MCCC1: variants seen among roughly 807,000 people sequenced by gnomAD.
MCCC1 encodes the protein methylcrotonoyl-CoA carboxylase subunit alpha, mitochondrial.
MCCC1 carries 64 observed loss-of-function variants against 83.8 expected under a neutral mutation model. The ratio of observed to expected loss-of-function variants is 0.76; its 90% confidence interval spans 0.62 to 0.94. The LOEUF is 0.94. Among genes scored for constraint, MCCC1 ranks in the 40% least tolerant of loss-of-function variants. MCCC1 has a pLI of 0.00. For synonymous variants in MCCC1, 322 were observed against 315.4 expected, an observed-to-expected ratio of 1.02 and a Z score of -0.22; for missense variants, 807 against 904.7, an observed-to-expected ratio of 0.89 and a Z score of 1.39.
chr3:183,096,323 G>A lies in MCCC1; in HGVS notation c.90-1718C>T, dbSNP rs143205028. Reference sequence around the variant, plus strand: ...TACATTCCAGCCTGGGTGACAGAGTGAGACTCCATCTCAAAAAAAAAAATA... The same window carrying A: ...TACATTCCAGCCTGGGTGACAGAGTAAGACTCCATCTCAAAAAAAAAAATA... On this transcript the variant is annotated intron_variant, in intron 1 of 18. Transcript: ENST00000265594. Among the ~76,000 whole-genome samples the A allele has an allele frequency of 7.0e-3, 1,067 of 151,590 alleles. 16 individuals are homozygous for A. The highest frequency in any genetic ancestry group is 0.025 in the African/African-American group (1,013 of 41,104).
At chr3:183,033,562 G>C (rs1448355944) in intron 14 of MCCC1, among the ~76,000 whole-genome samples, 1 of 152,110 alleles carries the variant, frequency 6.6e-6, no homozygotes, top group Non-Finnish European at 1.5e-5. Context: ...CATGGGCAGT[G>C]GGTAATCGTC....
intron 1 of MCCC1, among the ~76,000 whole-genome samples, chr3:183,106,018 G>C (rs548667045): frequency 6.8e-6 from 1 of 146,534 alleles, no homozygotes; most frequent in African/African-American, 2.5e-5. Context: ...GAACCTGGGA[G>C]GGGGAGGTTG....
intron 2 of MCCC1, among the ~76,000 whole-genome samples, chr3:183,093,841 A>G (rs780249246): frequency 6.6e-6 from 1 of 152,020 alleles, no homozygotes; most frequent in Non-Finnish European, 1.5e-5. Context: ...ACACTTTTAT[A>G]TGTTTCATAG....
chr3:183,110,466 T>G (rs1421644736), intron 1 of MCCC1, among the ~76,000 whole-genome samples: 1 of 151,028 alleles, frequency 6.6e-6, no homozygotes, highest in African/African-American at 2.4e-5. Flanking sequence ...CGATCTCAGC[T>G]CACTGTGAGC....
intron 7 of MCCC1, 58 bp downstream of exon 7, chr3:183,070,941 G>A: frequency 6.5e-7 from 1 of 1,529,062 alleles, no homozygotes; most frequent in Admixed American, 1.9e-5. Flanking sequence ...GAATGTGCAT[G>A]CATTATTTTT....
At chr3:183,061,870 A>G (rs1715857486) in intron 7 of MCCC1, among the ~76,000 whole-genome samples, 1 of 152,206 alleles carries the variant, frequency 6.6e-6, no homozygotes, top group Non-Finnish European at 1.5e-5. Context: ...GGCTGTGTCC[A>G]CAAGCAAATT....
chr3:183,092,462 G>A lies in MCCC1; in HGVS notation c.220C>T (p.Gln74Ter), dbSNP rs1162953685. ...GCCTCACTATAAACCGCCACAGTCT[G>A]TACACCCAGTTTTTTGGCTGTGCGC... ...VMRTAKKLGV[Q>*]TVAVYSEADR... The change falls in exon 3 of 19, where the codon CAG becomes TAG. Residue 74 changes from glutamine (Q) to a stop codon, truncating the protein, a stop_gained. Transcript: ENST00000265594. LOFTEE classifies it high-confidence loss of function. The A allele has an allele frequency of 1.2e-6, 2 of 1,614,202 alleles. No homozygotes were observed. The highest frequency in any genetic ancestry group is 2.2e-5 in the East Asian group (1 of 44,884).
Position 183,017,423 on chromosome 3 carries a change from T to G in MCCC1, c.1978-86A>C, listed in dbSNP as rs2292056. 272,874 of 1,174,470 alleles carry G rather than the reference T, an allele frequency of 0.23. 36,171 individuals carry two copies. Among genetic ancestry groups the G allele is most frequent in the East Asian group, 0.61 (26,341 of 42,944 alleles). 72.8% of individuals were successfully genotyped at this position (1,174,470 alleles called of 1,614,324 possible). A position where few individuals can be genotyped will look rare whatever the true frequency, so the allele number is the denominator to read the frequency against. ...TGCTTCATTATAGTAACCATTTTAC[T>G]GTCTATATATACTCATAACATCATG... On this transcript the variant is annotated intron_variant, in intron 17 of 18. Coordinates refer to ENST00000265594, the MANE Select transcript of MCCC1 (RefSeq NM_020166.5).
chr3:183,099,693 TCC>T, upstream of MCCC1: 2 of 588,382 alleles, frequency 3.4e-6, no homozygotes. Context: ...TGTTTCTGCG[TCC>T]CCTGGGGCCT....
At chr3:183,105,783 A>G (rs1205283208) in intron 1 of MCCC1, among the ~76,000 whole-genome samples, 14 of 152,152 alleles carry the variant, frequency 9.2e-5, no homozygotes, top group Admixed American at 9.2e-4. Context: ...GATAACAAAA[A>G]GTGTCACAAA....
rs533153179 is a variant in MCCC1 at position 183,099,141 on chromosome 3, T to A, written c.89+211A>T. On this transcript the variant is annotated intron_variant, in intron 1 of 18. Transcript: ENST00000265594. ...AGCCAAAGGCGCGCTGAAGCGTGGA[T>A]GTGCGGAAGCGGGGAGAAAGGGAAG... 47 of 612,796 alleles carry A rather than the reference T, an allele frequency of 7.7e-5. No individual in the cohort carries two copies. In the African/African-American group the frequency reaches 7.9e-4, roughly 10 times the overall value. 38.0% of individuals were successfully genotyped at this position (612,796 alleles called of 1,614,324 possible).
exon 1 of MCCC1, chr3:183,115,989 T>A (rs1003658185): frequency 6.6e-6 from 1 of 152,264 alleles, no homozygotes; most frequent in Non-Finnish European, 1.5e-5. Context: ...AGCAAGCAGT[T>A]GCTGAAGAGC....
intron 3 of MCCC1, 144 bp from the exon 4 acceptor site, chr3:183,086,932 T>G: frequency 1.4e-6 from 1 of 721,954 alleles, no homozygotes; most frequent in South Asian, 1.6e-5. Context: ...AAAACTGAAG[T>G]ACCAATGTAT....
chr3:183,105,753 G>A (rs1478861471), intron 1 of MCCC1, among the ~76,000 whole-genome samples: 2 of 152,158 alleles, frequency 1.3e-5, no homozygotes, highest in African/African-American at 4.8e-5. Context: ...TGAAGAGAGT[G>A]TTTTCAGGCT....
chr3:183,057,471 A>G (rs1411458497), intron 7 of MCCC1, 49 bp from the exon 8 acceptor site: 1 of 1,398,662 alleles, frequency 7.1e-7, no homozygotes, highest in East Asian at 2.4e-5. Context: ...GGGGTGATAA[A>G]TATCACATTC....
At chr3:183,111,062 G>A (rs983813037) in intron 1 of MCCC1, among the ~76,000 whole-genome samples, 4 of 152,112 alleles carry the variant, frequency 2.6e-5, no homozygotes, top group African/African-American at 7.2e-5. Flanking sequence ...GTTTACATAT[G>A]TATTATATCA....
At chr3:183,059,492 T>C (rs1416739762) in intron 7 of MCCC1, among the ~76,000 whole-genome samples, 2 of 152,214 alleles carry the variant, frequency 1.3e-5, no homozygotes, top group Non-Finnish European at 2.9e-5. Context: ...AAATACGTTA[T>C]TGCCATTATT....
chr3:183,101,758 G>C (rs1221021104), upstream of MCCC1, among the ~76,000 whole-genome samples: 1 of 152,142 alleles, frequency 6.6e-6, no homozygotes, highest in Non-Finnish European at 1.5e-5. Context: ...AATAAATCTT[G>C]CTACTGCTCA....
chr3:183,030,980 A>G lies in MCCC1; in HGVS notation c.1681+3011T>C, dbSNP rs558413529. Among the ~76,000 whole-genome samples the G allele has an allele frequency of 2.0e-5, 3 of 152,302 alleles. No individual in the cohort carries two copies. The South Asian group carries it at 6.2e-4, about 32-fold the overall frequency. On this transcript the variant is annotated intron_variant, in intron 14 of 18. Coordinates refer to ENST00000265594, the MANE Select transcript of MCCC1 (RefSeq NM_020166.5). ...CGAATGCCAACAGATCACAGTAAAG[A>G]CACTACCAAAAAAACTCCTACCCTA...
Sources: allele counts gnomAD v4.1 joint callset (sites outside exome capture counted in the v4.1 genomes callset), GRCh38; gene constraint gnomAD v4.1.1; transcripts MANE v1.5; gene names NCBI Gene and HGNC (gene_info 2026-07-23, HGNC 2026-07-21).